Variants in MECOM observed in about 807,000 individuals in gnomAD.
MECOM encodes the protein MDS1 and EVI1 complex locus, also known as histone-lysine N-methyltransferase MECOM.
A neutral mutation model predicts 116.3 loss-of-function variants in MECOM; 13 were observed. The observed-to-expected ratio is 0.11, with a 90% CI of 0.07 to 0.18. The LOEUF (loss-of-function observed/expected upper bound fraction) is 0.18, where lower values mean the gene tolerates loss of function less well. Among genes scored for constraint, MECOM ranks in the 10% least tolerant of loss-of-function variants. The probability of loss-of-function intolerance (pLI) is 1.00; values close to 1 mark genes in which losing one functional copy is unlikely to be tolerated. For missense variants in MECOM, 1,299 were observed against 1,509.0 expected (o/e 0.86, Z 2.31); for synonymous variants, 528 against 535.2 (o/e 0.99, Z 0.19).
intron 1 of MECOM, among the ~76,000 whole-genome samples, chr3:169,413,930 A>AC (rs1201958145): frequency 4.6e-5 from 7 of 152,178 alleles, no homozygotes; most frequent in African/African-American, 1.4e-4. Flanking sequence ...GGAACAGAGA[A>AC]CCTGGGGGAA....
chr3:169,553,226 G>A (rs532010753), intron 1 of MECOM, among the ~76,000 whole-genome samples: 2 of 151,962 alleles, frequency 1.3e-5, no homozygotes, highest in Non-Finnish European at 2.9e-5. Context: ...CATTTTTGAG[G>A]CATTAAGAAT....
At chr3:169,214,505 T>G (rs942801168) in intron 2 of MECOM, among the ~76,000 whole-genome samples, 1 of 151,694 alleles carries the variant, frequency 6.6e-6, no homozygotes, top group African/African-American at 2.4e-5. Context: ...TTTTCAGTTA[T>G]AGCTTTCAGA....
At chr3:169,259,044 T>C (rs1178652080) in intron 2 of MECOM, among the ~76,000 whole-genome samples, 2 of 152,220 alleles carry the variant, frequency 1.3e-5, no homozygotes, top group Non-Finnish European at 2.9e-5. Context: ...CATGAATATG[T>C]AGTCCTTTAA....
In MECOM at chr3:169,297,955, T is replaced by C. The variant is rs1715954856; in HGVS notation, c.375+83232A>G. Reference sequence around the variant, plus strand: ...AACATGACAAAAGGAGAATTTTGAATATACCATAGAGTAACTTGTTCACTT... The same window carrying C: ...AACATGACAAAAGGAGAATTTTGAACATACCATAGAGTAACTTGTTCACTT... On this transcript the variant is annotated intron_variant, in intron 2 of 16. Coordinates refer to ENST00000651503, the MANE Select transcript of MECOM (RefSeq NM_004991.4). Among the ~76,000 whole-genome samples the C allele has an allele frequency of 2.0e-5, 3 of 152,218 alleles. No individual in the cohort carries two copies. The South Asian group carries it at 6.2e-4, about 32-fold the overall frequency.
intron 1 of MECOM, among the ~76,000 whole-genome samples, chr3:169,579,658 AG>A (rs1481499094): frequency 6.6e-6 from 1 of 152,222 alleles, no homozygotes. Context: ...CCTCCCAAAA[AG>A]GGAAGAAAGC....
At chr3:169,169,363 T>G (rs1415334875) in intron 2 of MECOM, among the ~76,000 whole-genome samples, 1 of 152,156 alleles carries the variant, frequency 6.6e-6, no homozygotes, top group African/African-American at 2.4e-5. Context: ...ATAAGTTAAA[T>G]TAACCTCATT....
chr3:169,195,793 C>T (rs776258769), intron 2 of MECOM, among the ~76,000 whole-genome samples: 36 of 151,988 alleles, frequency 2.4e-4, no homozygotes, highest in Admixed American at 5.9e-4. Flanking sequence ...AATTTCCCAC[C>T]ACTGTAAGCC....
intron 1 of MECOM, among the ~76,000 whole-genome samples, chr3:169,598,413 C>CA (rs1767409834): frequency 6.6e-6 from 1 of 152,198 alleles, no homozygotes; most frequent in African/African-American, 2.4e-5. Flanking sequence ...ATAAAACATA[C>CA]AAAAAAGATT....
intron 1 of MECOM, among the ~76,000 whole-genome samples, chr3:169,582,920 C>T (rs960182916): frequency 4.6e-5 from 7 of 152,026 alleles, no homozygotes; most frequent in Non-Finnish European, 1.0e-4. Flanking sequence ...CTGGTATATA[C>T]GACAAAACGA....
At chr3:169,518,148 A>G (rs1221387143) in intron 1 of MECOM, among the ~76,000 whole-genome samples, 1 of 152,082 alleles carries the variant, frequency 6.6e-6, no homozygotes, top group African/African-American at 2.4e-5. Flanking sequence ...GGTTCCAGCT[A>G]CTTGGGAGGC....
At chr3:169,192,231 A>C (rs550976611) in intron 2 of MECOM, among the ~76,000 whole-genome samples, 1 of 152,154 alleles carries the variant, frequency 6.6e-6, no homozygotes, top group East Asian at 1.9e-4. Context: ...TTTTTTCTAA[A>C]AATACTGAAT....
At chr3:169,448,526 G>A (rs976503631) in intron 1 of MECOM, among the ~76,000 whole-genome samples, 7 of 152,144 alleles carry the variant, frequency 4.6e-5, no homozygotes, top group African/African-American at 1.2e-4. Flanking sequence ...AAAGGCACCT[G>A]TAAATTTGGG....
intron 1 of MECOM, chr3:169,477,103 GTGTATATATATATATATATATATATA>G (rs1417839286): frequency 1.8e-5 from 1 of 56,278 alleles, no homozygotes; most frequent in East Asian, 8.0e-4. Context: ...GTGTGTGTGT[GTGTATATATATATATATATATATATA>G]TATATATATA....
intron 2 of MECOM, among the ~76,000 whole-genome samples, chr3:169,373,726 G>A (rs1344235391): frequency 2.0e-5 from 3 of 151,866 alleles, no homozygotes; most frequent in Non-Finnish European, 2.9e-5. Context: ...CCATTCAATT[G>A]GAGTAGTTTC....
At chr3:169,472,631 AGAAAAGGAAAGGAAAG>A (rs1749678089) in intron 1 of MECOM, among the ~76,000 whole-genome samples, 2 of 81,646 alleles carry the variant, frequency 2.4e-5, no homozygotes, top group Admixed American at 1.3e-4. Context: ...AGAAAAGAAA[AGAAAAGGAAAGGAAAG>A]GAAAAGAAAA....
chr3:169,354,796 C>A (rs1409841245), intron 2 of MECOM, among the ~76,000 whole-genome samples: 2 of 151,710 alleles, frequency 1.3e-5, no homozygotes, highest in Non-Finnish European at 1.5e-5. Flanking sequence ...TCCCCCCCTT[C>A]CTGAGCTGGG....
At chr3:169,378,514 AAAAG>A (rs1159428318) in intron 2 of MECOM, among the ~76,000 whole-genome samples, 433 of 26,822 alleles carry the variant, frequency 0.016, 17 homozygotes, top group South Asian at 0.029. Context: ...AGAAAGAAAG[AAAAG>A]AAAGAAAGAA....
intron 1 of MECOM, among the ~76,000 whole-genome samples, chr3:169,489,176 G>A (rs114540312): frequency 0.016 from 2,373 of 152,102 alleles, 34 homozygotes; most frequent in South Asian, 0.033. Context: ...TGAAATTGAC[G>A]CATAAATAAA....
At chr3:169,514,048 C>T (rs578058552) in intron 1 of MECOM, among the ~76,000 whole-genome samples, 14 of 152,156 alleles carry the variant, frequency 9.2e-5, no homozygotes, top group Non-Finnish European at 1.8e-4. Context: ...TGTGCACATA[C>T]TTTACTACCC....
Sources: allele counts gnomAD v4.1 joint callset (sites outside exome capture counted in the v4.1 genomes callset), GRCh38; gene constraint gnomAD v4.1.1; transcripts MANE v1.5; gene names NCBI Gene and HGNC (gene_info 2026-07-23, HGNC 2026-07-21).